The following FLNB variants were observed in gnomAD, a reference collection of about 807,000 sequenced individuals.
FLNB encodes the protein filamin-B.
Under a neutral mutation model 250.6 loss-of-function variants are expected in FLNB, and 111 were observed. The observed-to-expected ratio is 0.44, with a 90% confidence interval of 0.38 to 0.52. The LOEUF (loss-of-function observed/expected upper bound fraction) is 0.52, where lower values mean the gene tolerates loss of function less well. Ranked by LOEUF, FLNB falls within the 20% of genes least tolerant of loss-of-function variation. The pLI is 0.00. For synonymous variants in FLNB, 1,302 were observed against 1,372.1 expected, an observed-to-expected ratio of 0.95 and a Z score of 1.13; for missense variants, 2,869 against 3,447.8, an observed-to-expected ratio of 0.83 and a Z score of 4.20.
intron 1 of FLNB, among the ~76,000 whole-genome samples, chr3:58,042,920 G>A (rs562136291): frequency 5.9e-5 from 9 of 152,280 alleles, no homozygotes; most frequent in Middle Eastern, 3.4e-3. Flanking sequence ...TTAGCAGGGT[G>A]CTGAGAGGGA....
In FLNB at chr3:58,130,821, G is replaced by C. The variant is rs536769087; in HGVS notation, c.4303G>C (p.Val1435Leu). 2.8e-5 allele frequency: 45 copies of C among 1,613,528 alleles called. No individual in the cohort carries two copies. The highest frequency in any genetic ancestry group is 3.5e-5 in the Non-Finnish European group (41 of 1,179,858). ...TGCCGGCCCCGGGCTGGGCTCAGGC[G>C]TCCGAGCCCGTGTCCTGCAGTCCTT... The part of the protein sequence containing the change: ...KIAGPGLGSG[V>L]RARVLQSFTV... Residue 1435 changes from valine (V) to leucine (L), a missense_variant, in exon 25 of 46, where the codon GTC becomes CTC. By Grantham distance (32) the Val-to-Leu change is conservative. Transcript: ENST00000295956.
intron 1 of FLNB, among the ~76,000 whole-genome samples, chr3:58,060,582 A>C: frequency 6.6e-6 from 1 of 151,510 alleles, no homozygotes. Context: ...CGAACTCCTG[A>C]TCACAGGTGA....
intron 17 of FLNB, 133 bp from the exon 18 acceptor site, chr3:58,112,016 A>G: frequency 8.6e-7 from 1 of 1,158,872 alleles, no homozygotes; most frequent in South Asian, 1.3e-5. Flanking sequence ...TGCAGCTCTG[A>G]TGCAGCAGTG....
intron 1 of FLNB, among the ~76,000 whole-genome samples, chr3:58,061,954 G>A (rs1427985824): frequency 4.0e-5 from 6 of 151,878 alleles, no homozygotes; most frequent in African/African-American, 1.5e-4. Flanking sequence ...AGCTGGGCAT[G>A]ATGGGGGGCG....
intron 1 of FLNB, among the ~76,000 whole-genome samples, chr3:58,017,690 A>C (rs2097107764): frequency 1.3e-5 from 2 of 151,994 alleles, no homozygotes; most frequent in South Asian, 4.2e-4. Context: ...GGTTGTTGTA[A>C]CTCTTCTGCA....
chr3:58,030,312 C>T (rs748036195), intron 1 of FLNB, among the ~76,000 whole-genome samples: 2 of 152,180 alleles, frequency 1.3e-5, no homozygotes, highest in African/African-American at 4.8e-5. Context: ...ATGATTGGCT[C>T]ATGTCAGCAA....
In FLNB at chr3:58,077,194, G is replaced by C; in HGVS notation, c.441G>C (p.Gly147=). 1 of 1,614,154 alleles carries C rather than the reference G, an allele frequency of 6.2e-7. No homozygotes were observed. ...KKQTPKQRLL[G]WIQNKIPYLP... is the part of the protein sequence containing the mutation. ...AGACGCCAAAGCAGAGGCTGCTGGG[G>C]TGGATTCAGAACAAGATCCCCTACT... is the stretch of plus-strand genomic sequence containing the variant. The change falls in exon 2 of 46, where the codon GGG becomes GGC. Residue 147 remains glycine (G), a synonymous_variant. Coordinates refer to ENST00000295956, the MANE Select transcript of FLNB (RefSeq NM_001457.4).
chr3:58,025,023 T>C (rs1425393156), intron 1 of FLNB, among the ~76,000 whole-genome samples: 1 of 149,804 alleles, frequency 6.7e-6, no homozygotes, highest in Non-Finnish European at 1.5e-5. Flanking sequence ...CCTTTTTTTT[T>C]TTTTTTTTTA....
intron 40 of FLNB, among the ~76,000 whole-genome samples, 176 bp downstream of exon 40, chr3:58,155,104 G>A (rs1290886651): frequency 6.6e-6 from 1 of 152,210 alleles, no homozygotes; most frequent in Non-Finnish European, 1.5e-5. Flanking sequence ...TTAAGGGTGG[G>A]AACGCTTGTT....
chr3:58,146,536 T>G (rs2097336063), intron 33 of FLNB: 4 of 458,444 alleles, frequency 8.7e-6, no homozygotes, highest in South Asian at 8.4e-5. Flanking sequence ...GTAATTGATG[T>G]ACACGGCTCC....
intron 1 of FLNB, among the ~76,000 whole-genome samples, chr3:58,019,940 TGGGCA>T (rs1440286873): frequency 3.3e-5 from 5 of 151,658 alleles, no homozygotes; most frequent in African/African-American, 4.9e-5. Flanking sequence ...TTGGAGGAGG[TGGGCA>T]GGGCTTTTGT....
intron 23 of FLNB, 118 bp downstream of exon 23, chr3:58,125,861 C>A: frequency 1.0e-6 from 1 of 988,180 alleles, no homozygotes; most frequent in Non-Finnish European, 1.6e-6. Context: ...ACATGTATTT[C>A]CTTCTGTAGA....
chr3:58,098,485 C>T (rs1040340210), intron 7 of FLNB, among the ~76,000 whole-genome samples: 7 of 152,176 alleles, frequency 4.6e-5, no homozygotes, highest in African/African-American at 1.2e-4. Flanking sequence ...CGTGCGCCAC[C>T]ATGCTTGGCT....
chr3:58,080,398 A>G (rs571599151), intron 3 of FLNB, among the ~76,000 whole-genome samples: 1 of 152,220 alleles, frequency 6.6e-6, no homozygotes, highest in Non-Finnish European at 1.5e-5. Flanking sequence ...GATGGTACTG[A>G]AACTGAGGTG....
intron 1 of FLNB, among the ~76,000 whole-genome samples, chr3:58,053,788 G>A (rs1047851455): frequency 1.3e-5 from 2 of 152,158 alleles, no homozygotes; most frequent in Non-Finnish European, 2.9e-5. Context: ...TTAAATGAAA[G>A]TGTGTTCATT....
In FLNB at chr3:58,136,746, C is replaced by CTTTTTTTTTTTTTTT. The variant is rs57053256; in HGVS notation, c.4861+587_4861+601dup. On this transcript the variant is annotated intron_variant, in intron 28 of 45. Transcript: ENST00000295956. ...CAACTATTGACTGTCACAGGCCATT[C>CTTTTTTTTTTTTTTT]TTTTTTTTTTTTTTTTTTTTTTTGA... Among the ~76,000 whole-genome samples, 8 of 79,814 alleles carry CTTTTTTTTTTTTTTT rather than the reference C, an allele frequency of 1.0e-4. 2 individuals carry two copies. The highest frequency in any genetic ancestry group is 2.2e-4 in the African/African-American group (4 of 18,198). The allele number at this position is 79,814 out of a possible 152,430, so 52.4% of individuals were successfully genotyped here.
chr3:58,151,858 A>G (rs921372091), intron 38 of FLNB, among the ~76,000 whole-genome samples: 1 of 152,200 alleles, frequency 6.6e-6, no homozygotes. Flanking sequence ...AGATGCTGCC[A>G]TGCCTTGGCA....
At chr3:58,080,605 C>A (rs2097207795) in intron 3 of FLNB, among the ~76,000 whole-genome samples, 1 of 151,556 alleles carries the variant, frequency 6.6e-6, no homozygotes, top group Non-Finnish European at 1.5e-5. Context: ...AGCGATTCTC[C>A]TGTCTCAGCC....
intron 1 of FLNB, among the ~76,000 whole-genome samples, chr3:58,066,401 G>C (rs1030495381): frequency 6.6e-6 from 1 of 151,794 alleles, no homozygotes; most frequent in Non-Finnish European, 1.5e-5. Context: ...TGTATTTTTA[G>C]TAGAGACGGG....
Sources: allele counts gnomAD v4.1 joint callset (sites outside exome capture counted in the v4.1 genomes callset), GRCh38; gene constraint gnomAD v4.1.1; transcripts MANE v1.5; gene names NCBI Gene and HGNC (gene_info 2026-07-23, HGNC 2026-07-21).